Variants in PSG3 observed in about 807,000 individuals in gnomAD.
PSG3 encodes pregnancy specific beta-1-glycoprotein 3.
In PSG3, 61 loss-of-function variants were observed where a neutral mutation model predicts 47.5. The ratio of observed to expected loss-of-function variants is 1.28; its 90% CI spans 1.05 to 1.59. The LOEUF is 1.59. Ranked by LOEUF, PSG3 falls within the 40% of genes most tolerant of loss-of-function variation. PSG3 has a pLI of 0.00. For missense variants in PSG3, 756 were observed against 524.0 expected, an observed-to-expected ratio of 1.44 and a Z score of -4.32; for synonymous variants, 263 against 198.4, an observed-to-expected ratio of 1.33 and a Z score of -2.74.
At position 42,740,326 on chromosome 19, in the gene PSG3, A is replaced by C. The variant is rs769826154; in HGVS notation, c.59T>G (p.Leu20Arg). 13 of 1,613,790 alleles carry C rather than the reference A, an allele frequency of 8.1e-6. 1 individual carries two copies. In the East Asian group the frequency reaches 2.9e-4, roughly 36 times the overall value. Residue 20 changes from leucine to arginine, a missense_variant, in exon 1 of 7, where the codon CTC becomes CGC. Physicochemically the swap from Leu to Arg is moderately radical, Grantham distance 102 (BLOSUM62 -2). Coordinates refer to ENST00000327495, the MANE Select transcript of PSG3 (RefSeq NM_021016.4). ...CCAGGAAGTTCTCTCCTCACCTGTGAGCAGGAGCCCCTTCCAGGTGATGCG... is the reference window on the plus strand; with the variant it reads ...CCAGGAAGTTCTCTCCTCACCTGTGCGCAGGAGCCCCTTCCAGGTGATGCG... ...TQRITWKGLL[L>R]TALLLNFWNL... is the part of the protein sequence containing the mutation.
rs1174200941 is a variant in PSG3, at chr19:42,721,985, T to C, written c.*146A>G. 4 of 416,876 alleles carry C rather than the reference T, an allele frequency of 9.6e-6. No individual in the cohort carries two copies. The highest frequency in any genetic ancestry group is 1.8e-5 in the Non-Finnish European group (4 of 227,440). The allele number at this position is 416,876 out of a possible 1,614,324, so 25.8% of individuals were successfully genotyped here. A position where few individuals can be genotyped will look rare whatever the true frequency, so the allele number is the denominator to read the frequency against. ...TGATCTTGAAGTTATCAGGAACTTG[T>C]ATTCAAGAGTCCTTGTCAGAGTCTT... On this transcript the variant is annotated 3_prime_UTR_variant, in exon 7 of 7. Coordinates refer to ENST00000327495, the MANE Select transcript of PSG3 (RefSeq NM_021016.4).
At position 42,738,410 on chromosome 19, in the gene PSG3, T is replaced by C. The variant is rs56291892; in HGVS notation, c.430+314A>G. Among the ~76,000 whole-genome samples, 1,098 of 152,338 alleles carry C rather than the reference T, an allele frequency of 7.2e-3. 16 individuals are homozygous for C. Among genetic ancestry groups the C allele is most frequent in the African/African-American group, 0.025 (1,049 of 41,574 alleles). The stretch of plus-strand genomic sequence containing the variant: ...CCCTGAGGCCAAGCCCTACTCAGTT[T>C]GCCAGGGTCTTTCTCAGGGTCAAAT... On this transcript the variant is annotated intron_variant, in intron 2 of 6. Transcript: ENST00000327495.
chr19:42,736,057 G>GA (rs1426459094), intron 2 of PSG3, among the ~76,000 whole-genome samples: 3 of 152,226 alleles, frequency 2.0e-5, no homozygotes, highest in African/African-American at 7.2e-5. Flanking sequence ...AAGCAAGAAT[G>GA]ATAATTGTTC....
rs1969617046 is a variant in PSG3 at position 42,738,992 on chromosome 19, A to T, written c.162T>A (p.Leu54=). 1 of 1,613,912 alleles carries T rather than the reference A, an allele frequency of 6.2e-7. No homozygotes were observed. Among genetic ancestry groups the T allele is most frequent in the Non-Finnish European group, 8.5e-7 (1 of 1,179,966 alleles). The part of the protein sequence containing the change: ...KVSKGKDVLL[L]VHNLPQNLAG... ...CAAGATTCTGGGGCAAATTGTGGACAAGTAGAAGAACGTCCTTCCCCTTGG... is the reference window on the plus strand; with the variant it reads ...CAAGATTCTGGGGCAAATTGTGGACTAGTAGAAGAACGTCCTTCCCCTTGG... The change falls in exon 2 of 7, where the codon CTT becomes CTA. Residue 54 remains leucine, a synonymous_variant. Transcript: ENST00000327495.
At chr19:42,734,798 G>A (rs1443386295) in intron 2 of PSG3, among the ~76,000 whole-genome samples, 2 of 152,242 alleles carry the variant, frequency 1.3e-5, no homozygotes, top group East Asian at 1.9e-4. Flanking sequence ...AAGAAGTGAT[G>A]TGTGTTATGT....
At position 42,738,927 on chromosome 19, in the gene PSG3, T is replaced by C. The variant is rs778459175; in HGVS notation, c.227A>G (p.Tyr76Cys). ...TACTACGTATGATGTAATGTAATGG[T>C]AGAGGTCCTTCATTTGCCCTTTGTA... Reference protein sequence around the residue: ...IWYKGQMKDLYHYITSYVVDG... With the variant: ...IWYKGQMKDLCHYITSYVVDG... Residue 76 changes from tyrosine (Y) to cysteine (C), a missense_variant, in exon 2 of 7, where the codon TAC (tyrosine) becomes TGC (cysteine). Transcript: ENST00000327495. The C allele has an allele frequency of 6.2e-7, 1 of 1,614,028 alleles. No individual in the cohort carries two copies. Among genetic ancestry groups the C allele is most frequent in the East Asian group, 2.2e-5 (1 of 44,870 alleles).
rs1969307156 is a variant in PSG3, at chr19:42,721,998, T to C, written c.*133A>G. 2 of 417,334 alleles carry C rather than the reference T, an allele frequency of 4.8e-6. No individual in the cohort carries two copies. The highest frequency in any genetic ancestry group is 8.8e-6 in the Non-Finnish European group (2 of 227,726). The allele number at this position is 417,334 out of a possible 1,614,324, so 25.9% of individuals were successfully genotyped here. Reference sequence around the variant, plus strand: ...ATCAGGAACTTGTATTCAAGAGTCCTTGTCAGAGTCTTTTCATAAATCTCC... The same window carrying C: ...ATCAGGAACTTGTATTCAAGAGTCCCTGTCAGAGTCTTTTCATAAATCTCC... On this transcript the variant is annotated 3_prime_UTR_variant, in exon 7 of 7. Transcript: ENST00000327495.
intron 6 of PSG3, among the ~76,000 whole-genome samples, chr19:42,722,897 A>G (rs1023383841): frequency 1.3e-5 from 2 of 152,232 alleles, no homozygotes; most frequent in Non-Finnish European, 1.5e-5. Flanking sequence ...AAAATTACCA[A>G]TGCCTGGGTC....
At chr19:42,733,152 C>G (rs1232994840) in intron 2 of PSG3, 90 bp from the exon 3 acceptor site, 24 of 1,541,586 alleles carry the variant, frequency 1.6e-5, no homozygotes, top group South Asian at 1.0e-4. Flanking sequence ...TTTCCCACCT[C>G]TCAGCCCACC....
chr19:42,724,162 TAGG>T, intron 5 of PSG3, 137 bp from the exon 6 acceptor site: 1 of 1,392,082 alleles, frequency 7.2e-7, no homozygotes, highest in South Asian at 1.4e-5. Context: ...GGAAAATTGA[TAGG>T]AGATGATTAT....
chr19:42,734,953 G>A (rs1035972242), intron 2 of PSG3, among the ~76,000 whole-genome samples: 1 of 152,124 alleles, frequency 6.6e-6, no homozygotes, highest in Non-Finnish European at 1.5e-5. Flanking sequence ...GTGTGAATTA[G>A]AAAGAGTCTA....
At position 42,729,252 on chromosome 19, in the gene PSG3, A is replaced by G. The variant is rs144526077; in HGVS notation, c.1114T>C (p.Phe372Leu). The change falls in exon 5 of 7, where the codon TTT becomes CTT. Residue 372 changes from phenylalanine (F) to leucine (L), a missense_variant. Transcript: ENST00000327495. Reference sequence around the variant, plus strand: ...AAGAGCTTTTGTCCTGATAGCTGAAACTTCCCATTAATTGTCCAAGAATAT... The same window carrying G: ...AAGAGCTTTTGTCCTGATAGCTGAAGCTTCCCATTAATTGTCCAAGAATAT... The part of the protein sequence containing the change: ...AEYSWTINGK[F>L]QLSGQKLFIP... The G allele has an allele frequency of 1.9e-4, 311 of 1,613,922 alleles. No individual in the cohort carries two copies. Among genetic ancestry groups the G allele is most frequent in the Non-Finnish European group, 2.6e-4 (307 of 1,179,936 alleles).
chr19:42,722,301 A>T (rs1969311096), intron 6 of PSG3, among the ~76,000 whole-genome samples: 1 of 152,146 alleles, frequency 6.6e-6, no homozygotes, highest in Non-Finnish European at 1.5e-5. Context: ...CCCAGGCTGG[A>T]GTGCAGTGGT....
chr19:42,729,112 G>C lies in PSG3; in HGVS notation c.1243+11C>G, dbSNP rs1489580663. ...AAAACTCTATTGCCAAGCATGCTGGGATCCACTTACCAGAGACTTTGACTG... is the reference window on the plus strand; with the variant it reads ...AAAACTCTATTGCCAAGCATGCTGGCATCCACTTACCAGAGACTTTGACTG... On this transcript the variant is annotated intron_variant, in intron 5 of 6. Coordinates refer to ENST00000327495, the MANE Select transcript of PSG3 (RefSeq NM_021016.4). The C allele has an allele frequency of 6.2e-7, 1 of 1,613,844 alleles. No homozygotes were observed. The highest frequency in any genetic ancestry group is 1.3e-5 in the African/African-American group (1 of 74,934).
At chr19:42,722,809 G>A (rs902150098) in intron 6 of PSG3, among the ~76,000 whole-genome samples, 4 of 152,086 alleles carry the variant, frequency 2.6e-5, no homozygotes, top group African/African-American at 9.7e-5. Context: ...GAACATCATT[G>A]ATTTAGTTTT....
chr19:42,724,544 T>A (rs756656344), intron 5 of PSG3, among the ~76,000 whole-genome samples: 6 of 152,188 alleles, frequency 3.9e-5, no homozygotes, highest in Non-Finnish European at 8.8e-5. Context: ...TTAACTCTAA[T>A]GGGTGACTGG....
At chr19:42,725,172 C>T (rs189528871) in intron 5 of PSG3, among the ~76,000 whole-genome samples, 56 of 151,974 alleles carry the variant, frequency 3.7e-4, no homozygotes, top group African/African-American at 1.3e-3. Flanking sequence ...TGTGGCATCT[C>T]GTTTTATTGA....
intron 2 of PSG3, 32 bp downstream of exon 2, chr19:42,738,692 C>G (rs1409609250): frequency 6.2e-7 from 1 of 1,612,524 alleles, no homozygotes; most frequent in Non-Finnish European, 8.5e-7. Context: ...ACCCCATCCC[C>G]CAACACCCAG....
chr19:42,723,856 C>T, intron 6 of PSG3, 86 bp downstream of exon 6: 1 of 1,069,198 alleles, frequency 9.4e-7, no homozygotes, highest in South Asian at 1.3e-5. Flanking sequence ...GATCCAGTCC[C>T]AGATACAGGC....
Sources: gnomAD v4.1 joint callset for allele counts (sites outside exome capture counted in the v4.1 genomes callset) on GRCh38, gnomAD v4.1.1 for gene constraint, MANE v1.5 for transcripts, NCBI Gene and HGNC (gene_info 2026-07-23, HGNC 2026-07-21) for gene names.